The following GALK1 variants were observed in gnomAD, a reference collection of about 807,000 sequenced individuals.
GALK1 encodes galactokinase 1.
A neutral mutation model predicts 38.6 loss-of-function variants in GALK1; 30 were observed. The observed-to-expected ratio is 0.78, with a 90% CI of 0.58 to 1.05. GALK1 has a LOEUF of 1.05. Ranked by LOEUF, GALK1 falls within the 50% of genes least tolerant of loss-of-function variation. The probability of loss-of-function intolerance (pLI) is 0.00; values close to 1 mark genes in which losing one functional copy is unlikely to be tolerated. For synonymous variants in GALK1, 240 were observed against 233.6 expected, an observed-to-expected ratio of 1.03 and a Z score of -0.25; for missense variants, 512 against 540.5, an observed-to-expected ratio of 0.95 and a Z score of 0.52.
In GALK1 at chr17:75,764,049, CG is replaced by C. The variant is rs1422073677; in HGVS notation, c.202del (p.Arg68AlafsTer46). On this transcript the variant is annotated frameshift_variant, in exon 2 of 8. Transcript: ENST00000588479. LOFTEE classifies it high-confidence loss of function. The part of the protein sequence containing the change: ...ELMTVLVGSP[R>X]KDGLVSLLTT... ...GAGGAGAGACACCAGCCCATCCTTG[CG>C]GGGGCTGCCCACCAGCACCGTCATG... The C allele has an allele frequency of 1.3e-6, 2 of 1,595,956 alleles. No individual in the cohort carries two copies. The highest frequency in any genetic ancestry group is 2.7e-5 in the African/African-American group (2 of 74,692).
chr17:75,753,267 G>A (rs369045711), downstream of GALK1, among the ~76,000 whole-genome samples: 331 of 152,312 alleles, frequency 2.2e-3, 2 homozygotes, highest in Non-Finnish European at 2.4e-3. Context: ...TGGGCTTAAG[G>A]AGCCATTTTG....
chr17:75,756,337 C>G (rs917681116), downstream of GALK1: 2 of 1,423,368 alleles, frequency 1.4e-6, no homozygotes, highest in Admixed American at 3.5e-5. Context: ...TGGGTGATAA[C>G]TAGGTCTCGA....
chr17:75,751,945 C>A, intron 8 of GALK1: 1 of 608,848 alleles, frequency 1.6e-6, no homozygotes, highest in African/African-American at 1.8e-5. Flanking sequence ...AGCCCTGGCT[C>A]TGCCACTTAC....
downstream of GALK1, chr17:75,757,373 G>A: frequency 6.2e-7 from 1 of 1,612,952 alleles, no homozygotes; most frequent in Non-Finnish European, 8.5e-7. Context: ...GAGGGAGAAG[G>A]GCAGACCCCA....
chr17:75,764,501 C>T (rs1478220836), intron 1 of GALK1: 4 of 511,598 alleles, frequency 7.8e-6, no homozygotes, highest in South Asian at 3.0e-5. Context: ...GTCGCAGCCC[C>T]GCCAAGAACC....
chr17:75,756,024 C>T (rs1489272463), downstream of GALK1, among the ~76,000 whole-genome samples: 1 of 152,228 alleles, frequency 6.6e-6, no homozygotes, highest in Non-Finnish European at 1.5e-5. Context: ...TTCTTTGCCT[C>T]CCCTCTTCTG....
downstream of GALK1, chr17:75,756,731 G>A (rs1304539577): frequency 1.9e-6 from 3 of 1,613,132 alleles, no homozygotes; most frequent in African/African-American, 2.7e-5. Context: ...AGCACTCCCA[G>A]TGCCCCAGGC....
chr17:75,757,721 T>C, downstream of GALK1: 3 of 926,050 alleles, frequency 3.2e-6, no homozygotes, highest in Non-Finnish European at 5.1e-6. Context: ...GCAAGGTCCG[T>C]CCTCTGTGGG....
downstream of GALK1, chr17:75,753,967 C>T: frequency 7.9e-7 from 1 of 1,262,026 alleles, no homozygotes; most frequent in Non-Finnish European, 9.9e-7. Flanking sequence ...CACCCGGGCC[C>T]CCCGGAGGTG....
chr17:75,755,040 T>G, downstream of GALK1: 2 of 1,590,458 alleles, frequency 1.3e-6, no homozygotes, highest in Non-Finnish European at 1.7e-6. Flanking sequence ...TCACTCTTGT[T>G]TTGTCCTGCC....
In GALK1 at chr17:75,762,566, T is replaced by C. The variant is rs182793805; in HGVS notation, c.793+138A>G. On this transcript the variant is annotated intron_variant, in intron 5 of 7. Transcript: ENST00000588479. The stretch of plus-strand genomic sequence containing the variant: ...GCCCTGCTGAGATTGGAACCCTGGG[T>C]GCGCAGTGTTTGAAGGGACTGGGGA... The C allele has an allele frequency of 4.7e-6, 4 of 854,796 alleles. No individual in the cohort carries two copies. The African/African-American group carries it at 5.0e-5, about 11-fold the overall frequency. The allele number at this position is 854,796 out of a possible 1,614,324, so 53.0% of individuals were successfully genotyped here.
In GALK1 at chr17:75,765,107, C is replaced by A. The variant is rs1174194549; in HGVS notation, c.30G>T (p.Ala10=). ...CTCGCCGGGCCTCGGCCAGCAGCTC[C>A]GCGACCTGGGGCTGTCTCAAAGCAG... The part of the protein sequence containing the change: MAALRQPQV[A]ELLAEARRAF... Residue 10 remains alanine (A), a synonymous_variant, in exon 1 of 8, where the codon GCG becomes GCT. Transcript: ENST00000588479. The A allele has an allele frequency of 5.7e-6, 9 of 1,585,676 alleles. No individual in the cohort carries two copies. In the East Asian group the frequency reaches 2.1e-4, roughly 37 times the overall value.
rs372507006 is a variant in GALK1, at chr17:75,752,471, C to T, written c.*23-734G>A. ...TCCCCATCATCCCTGACATCCCTAT[C>T]GTGGACGCCCAGAGCGGGGAGGACT... On this transcript the variant is annotated intron_variant, in intron 8 of 8. Transcript: ENST00000225614. 1.1e-5 allele frequency: 17 copies of T among 1,613,494 alleles called. No homozygotes were observed. The East Asian group carries it at 1.3e-4, about 13-fold the overall frequency.
At chr17:75,758,711 A>T in intron 5 of GALK1, 112 bp from the exon 6 acceptor site, 2 of 1,387,432 alleles carry the variant, frequency 1.4e-6, no homozygotes, top group Non-Finnish European at 2.0e-6. Flanking sequence ...TGAAGGGTGG[A>T]AGGCCGCGGG....
chr17:75,752,540 A>G lies in GALK1; in HGVS notation c.*23-803T>C. The G allele has an allele frequency of 5.6e-6, 9 of 1,613,642 alleles. No homozygotes were observed. Among genetic ancestry groups the G allele is most frequent in the Non-Finnish European group, 7.6e-6 (9 of 1,180,014 alleles). On this transcript the variant is annotated intron_variant, in intron 8 of 8. Transcript: ENST00000225614. The stretch of plus-strand genomic sequence containing the variant: ...ACAGCGATGACGTTCTACGCTCTCC[A>G]TCGGGCAGCCAGAGGCCCAGCGTCT...
chr17:75,759,863 C>T (rs754547227), intron 5 of GALK1, among the ~76,000 whole-genome samples: 31 of 152,170 alleles, frequency 2.0e-4, no homozygotes, highest in Non-Finnish European at 3.7e-4. Context: ...GTGGGCAGCA[C>T]GGCCAGCCAG....
intron 5 of GALK1, among the ~76,000 whole-genome samples, chr17:75,760,583 T>C (rs1446499652): frequency 6.7e-6 from 1 of 148,190 alleles, no homozygotes; most frequent in Non-Finnish European, 1.5e-5. Context: ...CTGGCCAATA[T>C]AGTGAAACCC....
intron 5 of GALK1, 121 bp from the exon 6 acceptor site, chr17:75,758,720 G>T: frequency 7.9e-7 from 1 of 1,270,876 alleles, no homozygotes; most frequent in Non-Finnish European, 1.1e-6. Flanking sequence ...GAAGGCCGCG[G>T]GGGCAGGGCA....
rs773559496 is a variant in GALK1, at chr17:75,762,786, AG to A, written c.710del (p.Pro237LeufsTer27). 5.6e-6 allele frequency: 9 copies of A among 1,613,914 alleles called. No homozygotes were observed. The highest frequency in any genetic ancestry group is 7.6e-6 in the Non-Finnish European group (9 of 1,180,008). ...CTTCTTCACATTGGCGCCGCCGCACAGGGTACTCGCTGGAGGCCAGGGAGTG... is the reference window on the plus strand; with the variant it reads ...CTTCTTCACATTGGCGCCGCCGCACAGGTACTCGCTGGAGGCCAGGGAGTG... ...VRHSLASSEYPVRRRQCEEVA... is the reference protein window; with the variant it reads ...VRHSLASSEYXVRRRQCEEVA... On this transcript the variant is annotated frameshift_variant, in exon 5 of 8. Transcript: ENST00000588479. LOFTEE classifies it high-confidence loss of function.
Sources: gnomAD v4.1 joint callset for allele counts (sites outside exome capture counted in the v4.1 genomes callset) on GRCh38, gnomAD v4.1.1 for gene constraint, MANE v1.5 for transcripts, NCBI Gene and HGNC (gene_info 2026-07-23, HGNC 2026-07-21) for gene names.